Variants in KIF4A observed in about 807,000 individuals in gnomAD.
The protein encoded by KIF4A is kinesin family member 4A.
KIF4A carries 7 observed loss-of-function variants against 105.9 expected under a neutral mutation model. The observed-to-expected ratio is 0.07, with a 90% CI of 0.04 to 0.12. The LOEUF (loss-of-function observed/expected upper bound fraction) is 0.12, where lower values mean the gene tolerates loss of function less well. Ranked by LOEUF, KIF4A falls within the 10% of genes least tolerant of loss-of-function variation. KIF4A has a pLI of 1.00. For missense variants in KIF4A, 558 were observed against 929.2 expected (o/e 0.60, Z 5.19); for synonymous variants, 281 against 331.3 (o/e 0.85, Z 1.65).
chrX:70,418,352 C>T (rs1048163397), intron 29 of KIF4A, among the ~76,000 whole-genome samples: 2 of 111,390 alleles, frequency 1.8e-5, no homozygotes, highest in African/African-American at 6.5e-5. Flanking sequence ...CAAATTAGTC[C>T]AGAGGTTTAA....
intron 15 of KIF4A, among the ~76,000 whole-genome samples, chrX:70,366,864 A>C (rs993815117): frequency 8.9e-6 from 1 of 111,753 alleles, no homozygotes; most frequent in Non-Finnish European, 1.9e-5. Flanking sequence ...AAAGTCTCCC[A>C]TTATTATTGT....
At chrX:70,418,684 G>A (rs1433272047) in intron 29 of KIF4A, among the ~76,000 whole-genome samples, 1 of 112,147 alleles carries the variant, frequency 8.9e-6, no homozygotes, top group Non-Finnish European at 1.9e-5. Context: ...CATTACTACA[G>A]CTCTATATGT....
intron 15 of KIF4A, among the ~76,000 whole-genome samples, chrX:70,364,784 C>A (rs2086093717): frequency 9.0e-6 from 1 of 111,712 alleles, no homozygotes; most frequent in Admixed American, 9.5e-5. Flanking sequence ...TGAAGAAAGT[C>A]ATTGGTAGCT....
At chrX:70,340,520 A>G (rs1178132599) in intron 10 of KIF4A, among the ~76,000 whole-genome samples, 2 of 112,078 alleles carry the variant, frequency 1.8e-5, no homozygotes, top group African/African-American at 6.5e-5. Flanking sequence ...TGAATGACAC[A>G]TGGAAGTTTT....
intron 7 of KIF4A, among the ~76,000 whole-genome samples, chrX:70,322,402 C>G (rs1382450407): frequency 1.8e-5 from 2 of 109,505 alleles, no homozygotes; most frequent in African/African-American, 3.3e-5. Context: ...AGCTCTGCCT[C>G]CCGGGTTCAC....
chrX:70,314,886 G>A (rs1196106948), intron 7 of KIF4A, among the ~76,000 whole-genome samples: 1 of 110,996 alleles, frequency 9.0e-6, no homozygotes, highest in Non-Finnish European at 1.9e-5. Context: ...GAGGTAAATA[G>A]ATTTGTCCGT....
intron 7 of KIF4A, among the ~76,000 whole-genome samples, chrX:70,325,481 T>C (rs892150890): frequency 9.0e-6 from 1 of 111,244 alleles, no homozygotes; most frequent in African/African-American, 3.3e-5. Flanking sequence ...TTTTGCCACG[T>C]TGCCCACACT....
chrX:70,354,112 G>GA (rs1344728404), intron 15 of KIF4A, among the ~76,000 whole-genome samples: 1 of 112,458 alleles, frequency 8.9e-6, no homozygotes, highest in Non-Finnish European at 1.9e-5. Flanking sequence ...TGGATTCTGA[G>GA]AAAAAACACA....
rs1602803933 is a variant in KIF4A, at chrX:70,398,104, C to G, written c.2489+2055C>G. Reference sequence around the variant, plus strand: ...CCAGGCTGGAGTACAATGGCGCGATCTTGGCTCACTGCAGCCTCTGCCTCC... The same window carrying G: ...CCAGGCTGGAGTACAATGGCGCGATGTTGGCTCACTGCAGCCTCTGCCTCC... On this transcript the variant is annotated intron_variant, in intron 22 of 30. Coordinates refer to ENST00000374403, the MANE Select transcript of KIF4A (RefSeq NM_012310.5). 2.7e-5 allele frequency among the ~76,000 whole-genome samples: 3 copies of G among 112,206 alleles called. No homozygotes were observed. In the Admixed American group the frequency reaches 2.8e-4, roughly 11 times the overall value.
chrX:70,335,379 A>T (rs2085946621), intron 10 of KIF4A, among the ~76,000 whole-genome samples: 1 of 111,735 alleles, frequency 8.9e-6, no homozygotes. Flanking sequence ...GTTGCCGGGG[A>T]CTGGGGGATA....
At position 70,375,196 on chromosome X, in the gene KIF4A, G is replaced by A. The variant is rs570865454; in HGVS notation, c.1779-8G>A. ...GGTAGTCCTCACTTCTACAGCATCT[G>A]TGTTTAGGTTGAGTGAGCGCCGCCG... On this transcript the variant is annotated splice_polypyrimidine_tract_variant and splice_region_variant and intron_variant, in intron 16 of 30. Transcript: ENST00000374403. 2.8e-5 allele frequency: 34 copies of A among 1,207,961 alleles called. 1 individual carries two copies. In the South Asian group the frequency reaches 4.9e-4, roughly 18 times the overall value.
chrX:70,384,220 G>A (rs765696506), intron 18 of KIF4A, among the ~76,000 whole-genome samples: 9 of 111,799 alleles, frequency 8.1e-5, no homozygotes, highest in Non-Finnish European at 1.5e-4. Flanking sequence ...CAAGTAGTGG[G>A]CACTCAATAA....
chrX:70,376,245 T>G (rs1485042992), intron 18 of KIF4A, 35 bp downstream of exon 18: 2 of 830,992 alleles, frequency 2.4e-6, no homozygotes, highest in Non-Finnish European at 3.6e-6. Context: ...GCCTAGGTAA[T>G]AAACCCTTCT....
chrX:70,316,696 G>C (rs1240376951), intron 7 of KIF4A, among the ~76,000 whole-genome samples: 1 of 111,515 alleles, frequency 9.0e-6, no homozygotes, highest in Non-Finnish European at 1.9e-5. Context: ...AATATTCTAA[G>C]CATCCCAGAA....
chrX:70,399,961 A>AAAC (rs199581172), intron 22 of KIF4A, among the ~76,000 whole-genome samples: 7 of 105,248 alleles, frequency 6.7e-5, no homozygotes, highest in African/African-American at 1.0e-4. Context: ...AATAAAATAA[A>AAAC]AACAACAACA....
At chrX:70,343,255 G>C (rs2085978870) in intron 11 of KIF4A, among the ~76,000 whole-genome samples, 1 of 111,818 alleles carries the variant, frequency 8.9e-6, no homozygotes. Context: ...GCTGGGGCTA[G>C]GGAACAGCGT....
chrX:70,372,608 G>T (rs766273875), intron 15 of KIF4A, among the ~76,000 whole-genome samples: 1 of 113,881 alleles, frequency 8.8e-6, no homozygotes, highest in East Asian at 2.7e-4. Context: ...GTCCAGCTTC[G>T]GCTCGGCATC....
intron 14 of KIF4A, 60 bp downstream of exon 14, chrX:70,352,716 A>G: frequency 1.3e-6 from 1 of 775,319 alleles, no homozygotes; most frequent in South Asian, 2.5e-5. Context: ...CCTATAATTT[A>G]TCACTCAACT....
chrX:70,365,183 TG>T (rs762226028), intron 15 of KIF4A, among the ~76,000 whole-genome samples: 3 of 112,152 alleles, frequency 2.7e-5, no homozygotes, highest in Non-Finnish European at 3.8e-5. Context: ...TCATGTCATC[TG>T]CAAACAGGGA....
Sources: allele counts gnomAD v4.1 joint callset (sites outside exome capture counted in the v4.1 genomes callset), GRCh38; gene constraint gnomAD v4.1.1; transcripts MANE v1.5; gene names NCBI Gene and HGNC (gene_info 2026-07-23, HGNC 2026-07-21).